Variants in PKIA observed in about 807,000 individuals in gnomAD.
PKIA encodes cAMP-dependent protein kinase inhibitor alpha, also known as PKI-alpha.
In PKIA, 4 loss-of-function variants were observed where a neutral mutation model predicts 7.6. The ratio of observed to expected loss-of-function variants is 0.52; its 90% CI spans 0.26 to 1.20. The LOEUF (loss-of-function observed/expected upper bound fraction) is 1.20. PKIA is among the 50% of genes most tolerant of loss of function. PKIA has a pLI of 0.13. For missense variants in PKIA, 73 were observed against 86.2 expected, an observed-to-expected ratio of 0.85 and a Z score of 0.61; for synonymous variants, 21 against 30.7, an observed-to-expected ratio of 0.68 and a Z score of 1.04.
At chr8:78,570,003 T>A (rs974382863) in intron 1 of PKIA, among the ~76,000 whole-genome samples, 11 of 152,008 alleles carry the variant, frequency 7.2e-5, no homozygotes, top group Admixed American at 1.3e-4. Context: ...AACATAGGCT[T>A]AGTGAAGAAG....
chr8:78,524,404 C>T (rs548070982), intron 1 of PKIA, among the ~76,000 whole-genome samples: 15 of 151,442 alleles, frequency 9.9e-5, no homozygotes, highest in Admixed American at 6.6e-4. Flanking sequence ...TAGTCTCTCA[C>T]GTGGCTCTCA....
chr8:78,593,664 C>T (rs1301465401), intron 2 of PKIA, among the ~76,000 whole-genome samples: 2 of 152,114 alleles, frequency 1.3e-5, no homozygotes, highest in African/African-American at 4.8e-5. Flanking sequence ...TTCCAAGTTC[C>T]AAAAACTTTA....
At chr8:78,518,870 G>A (rs2118305648) in intron 1 of PKIA, among the ~76,000 whole-genome samples, 1 of 152,304 alleles carries the variant, frequency 6.6e-6, no homozygotes, top group African/African-American at 2.4e-5. Flanking sequence ...TAATCAAACT[G>A]AAGGGATTCC....
At chr8:78,519,239 AAT>A (rs1336790270) in intron 1 of PKIA, among the ~76,000 whole-genome samples, 3 of 152,128 alleles carry the variant, frequency 2.0e-5, no homozygotes, top group African/African-American at 7.2e-5. Context: ...AGAGAGTAAA[AAT>A]TTAGGAGTTA....
At chr8:78,538,361 TGA>T (rs1306127040) in intron 1 of PKIA, among the ~76,000 whole-genome samples, 1 of 152,050 alleles carries the variant, frequency 6.6e-6, no homozygotes, top group Middle Eastern at 3.2e-3. Context: ...TGGGGAAATA[TGA>T]GAGTAATGAG....
chr8:78,561,657 G>T (rs1415983687), intron 1 of PKIA, among the ~76,000 whole-genome samples: 2 of 152,116 alleles, frequency 1.3e-5, no homozygotes, highest in Non-Finnish European at 2.9e-5. Context: ...GAGCACAGTG[G>T]TTGGTACTGA....
chr8:78,573,776 G>A (rs1807611380), intron 2 of PKIA, among the ~76,000 whole-genome samples: 2 of 151,984 alleles, frequency 1.3e-5, no homozygotes, highest in South Asian at 4.1e-4. Context: ...GTTGGCTTCT[G>A]TAGTCTCAGA....
At chr8:78,525,343 A>T (rs1563566337) in intron 1 of PKIA, among the ~76,000 whole-genome samples, 1 of 151,940 alleles carries the variant, frequency 6.6e-6, no homozygotes, top group South Asian at 2.1e-4. Context: ...GATAAAGTAC[A>T]GTTACTGTCA....
At position 78,597,400 on chromosome 8, in the gene PKIA, C is replaced by T. The variant is rs150565528; in HGVS notation, c.-27-958C>T. On this transcript the variant is annotated intron_variant, in intron 2 of 3. Coordinates refer to ENST00000396418, the MANE Select transcript of PKIA (RefSeq NM_006823.4). The stretch of plus-strand genomic sequence containing the variant: ...TCAAGTAATGACTTATCAAGGGGAA[C>T]GTGGGGAGCTGTTTTTCTGGACTGG... 1.1e-3 allele frequency among the ~76,000 whole-genome samples: 161 copies of T among 152,152 alleles called. 1 individual carries two copies. Among genetic ancestry groups the T allele is most frequent in the African/African-American group, 3.5e-3 (147 of 41,504 alleles).
chr8:78,589,748 TA>T (rs564487249), intron 2 of PKIA, among the ~76,000 whole-genome samples: 34 of 148,438 alleles, frequency 2.3e-4, no homozygotes, highest in East Asian at 5.9e-4. Flanking sequence ...GATGAAGCAG[TA>T]AAAAAAAAAA....
Position 78,532,523 on chromosome 8 carries a change from AAAGG to A in PKIA, c.-157+16059_-157+16062del, listed in dbSNP as rs1219332395. ...AGACTCCATCTCAAAAAAAAAAAAA[AAAGG>A]AAGAAATTTTTCTGATTGGTCAGAT... On this transcript the variant is annotated intron_variant, in intron 1 of 3. Transcript: ENST00000396418. Among the ~76,000 whole-genome samples, 5 of 151,806 alleles carry A rather than the reference AAAGG, an allele frequency of 3.3e-5. No individual in the cohort carries two copies. The East Asian group carries it at 9.7e-4, about 30-fold the overall frequency.
intron 1 of PKIA, among the ~76,000 whole-genome samples, chr8:78,538,447 GACTAACT>G: frequency 6.6e-6 from 1 of 151,964 alleles, no homozygotes; most frequent in Non-Finnish European, 1.5e-5. Flanking sequence ...AAAGTTTCAA[GACTAACT>G]AGAATAATTC....
intron 1 of PKIA, among the ~76,000 whole-genome samples, chr8:78,569,099 T>C (rs917063509): frequency 1.3e-5 from 2 of 152,086 alleles, no homozygotes; most frequent in East Asian, 3.9e-4. Context: ...CGCCTCTACT[T>C]GCCATCAGCA....
At chr8:78,517,081 T>C (rs1034199593) in intron 1 of PKIA, among the ~76,000 whole-genome samples, 23 of 152,204 alleles carry the variant, frequency 1.5e-4, no homozygotes, top group African/African-American at 4.8e-4. Flanking sequence ...AATCATTTCA[T>C]TGATCTTTTT....
At chr8:78,567,623 T>C (rs1471293840) in intron 1 of PKIA, among the ~76,000 whole-genome samples, 5 of 152,110 alleles carry the variant, frequency 3.3e-5, no homozygotes, top group Non-Finnish European at 7.4e-5. Flanking sequence ...TCTCTTTCTG[T>C]ATTATACTCT....
At chr8:78,539,004 A>T (rs1052499790) in intron 1 of PKIA, among the ~76,000 whole-genome samples, 10 of 152,030 alleles carry the variant, frequency 6.6e-5, no homozygotes, top group African/African-American at 2.2e-4. Context: ...TGAGGCAAAA[A>T]TGATAGACCA....
At chr8:78,568,433 C>CTTA (rs758753632) in intron 1 of PKIA, among the ~76,000 whole-genome samples, 3 of 152,078 alleles carry the variant, frequency 2.0e-5, no homozygotes, top group Non-Finnish European at 4.4e-5. Context: ...GCCAGCAGCA[C>CTTA]TTTTTAACAT....
chr8:78,569,545 G>C (rs1038349217), intron 1 of PKIA, among the ~76,000 whole-genome samples: 1 of 151,886 alleles, frequency 6.6e-6, no homozygotes, highest in Admixed American at 6.6e-5. Flanking sequence ...AAAATAATAA[G>C]TTAAAATAAG....
rs556625752 is a variant in PKIA at position 78,579,912 on chromosome 8, G to C, written c.-28+6973G>C. On this transcript the variant is annotated intron_variant, in intron 2 of 3. Coordinates refer to ENST00000396418, the MANE Select transcript of PKIA (RefSeq NM_006823.4). ...ATATGGTTTACAGACAACCCTTTGA[G>C]AAATACCAAGCTGGTATATTTGTTC... 2.0e-5 allele frequency among the ~76,000 whole-genome samples: 3 copies of C among 152,118 alleles called. No individual in the cohort carries two copies. The East Asian group carries it at 5.8e-4, about 30-fold the overall frequency.
Sources: gnomAD v4.1 joint callset for allele counts (sites outside exome capture counted in the v4.1 genomes callset) on GRCh38, gnomAD v4.1.1 for gene constraint, MANE v1.5 for transcripts, NCBI Gene and HGNC (gene_info 2026-07-23, HGNC 2026-07-21) for gene names.